The following CMSS1 variants were observed in gnomAD, a reference collection of about 807,000 sequenced individuals.
CMSS1 encodes cms1 ribosomal small subunit homolog.
CMSS1 carries 33 observed loss-of-function variants against 43.5 expected under a neutral mutation model. That is an observed-to-expected ratio of 0.76 (90% CI 0.57 to 1.01). The LOEUF (loss-of-function observed/expected upper bound fraction) is 1.01. Among genes scored for constraint, CMSS1 ranks in the 50% least tolerant of loss-of-function variants. The pLI is 0.00. For missense variants in CMSS1, 313 were observed against 326.4 expected (o/e 0.96, Z 0.32); for synonymous variants, 115 against 117.2 (o/e 0.98, Z 0.12).
intron 1 of CMSS1, among the ~76,000 whole-genome samples, chr3:100,057,284 A>G (rs2107334093): frequency 6.6e-6 from 1 of 152,314 alleles, no homozygotes; most frequent in East Asian, 1.9e-4. Flanking sequence ...GGAAACCAGG[A>G]AAGCAGTGAG....
At chr3:99,854,946 C>T (rs1943885004) in intron 1 of CMSS1, among the ~76,000 whole-genome samples, 1 of 152,162 alleles carries the variant, frequency 6.6e-6, no homozygotes. Flanking sequence ...TGTTAAACTG[C>T]AGACTCCAAT....
chr3:99,989,441 T>G (rs1186152431), intron 1 of CMSS1, among the ~76,000 whole-genome samples: 1 of 152,182 alleles, frequency 6.6e-6, no homozygotes, highest in Admixed American at 6.5e-5. Context: ...CCCCACATTT[T>G]CTGGAGACCC....
At chr3:100,006,951 G>A (rs879510520) in intron 1 of CMSS1, among the ~76,000 whole-genome samples, 28 of 152,082 alleles carry the variant, frequency 1.8e-4, no homozygotes, top group African/African-American at 6.8e-4. Context: ...GTTTTTGTTT[G>A]GTTTTGTTCT....
Position 99,818,033 on chromosome 3 carries a change from C to A in CMSS1, c.54C>A (p.Gly18=), listed in dbSNP as rs1453824184. 6.2e-7 allele frequency: 1 copy of A among 1,613,750 alleles called. No homozygotes were observed. Among genetic ancestry groups the A allele is most frequent in the Non-Finnish European group, 8.5e-7 (1 of 1,179,944 alleles). Residue 18 remains glycine, a synonymous_variant, in exon 1 of 10, where the codon GGC becomes GGA. Transcript: ENST00000421999. ...EWWENQPTGA[G]SSPEASDGEG... ...GGGAGAACCAGCCGACTGGAGCAGG[C>A]AGCAGCCCAGGTACCCACTCTGTGC... is the stretch of plus-strand genomic sequence containing the variant.
At chr3:99,987,197 C>G (rs916341563) in intron 1 of CMSS1, among the ~76,000 whole-genome samples, 20 of 150,266 alleles carry the variant, frequency 1.3e-4, no homozygotes, top group Non-Finnish European at 2.4e-4. Flanking sequence ...GCCATGCACT[C>G]CAGCCTGGGG....
chr3:99,850,435 T>G lies in CMSS1; in HGVS notation c.64+32392T>G, dbSNP rs1055606998. On this transcript the variant is annotated intron_variant, in intron 1 of 9. Coordinates refer to ENST00000421999, the MANE Select transcript of CMSS1 (RefSeq NM_032359.4). ...TTTACTGAGTTTTTCAACCTCTAGT[T>G]TAAAGTCTTTACTCTGTAACGTCTC... 2.5e-6 allele frequency: 4 copies of G among 1,613,982 alleles called. No homozygotes were observed. The African/African-American group carries it at 5.3e-5, about 22-fold the overall frequency.
At chr3:99,894,369 A>G (rs1029247880) in intron 1 of CMSS1, among the ~76,000 whole-genome samples, 2 of 152,214 alleles carry the variant, frequency 1.3e-5, no homozygotes, top group Admixed American at 1.3e-4. Context: ...GTCTGGTGCC[A>G]GGTCTGGCCA....
At chr3:100,093,301 T>C (rs2066145230) in intron 1 of CMSS1, among the ~76,000 whole-genome samples, 2 of 152,120 alleles carry the variant, frequency 1.3e-5, no homozygotes, top group African/African-American at 2.4e-5. Flanking sequence ...AAACAATGTA[T>C]GTTCATTTTA....
At chr3:100,172,442 G>A (rs775651356) in intron 8 of CMSS1, 39 bp downstream of exon 8, 3 of 1,507,886 alleles carry the variant, frequency 2.0e-6, no homozygotes, top group Non-Finnish European at 2.8e-6. Context: ...CCCAGGGCTG[G>A]GAGTTTGCCT....
At chr3:99,964,158 A>C (rs780699405) in intron 1 of CMSS1, among the ~76,000 whole-genome samples, 6 of 151,970 alleles carry the variant, frequency 3.9e-5, no homozygotes, top group Non-Finnish European at 7.4e-5. Context: ...AAGTACATTG[A>C]GTTTTTATAA....
At chr3:99,845,011 A>AT (rs747625452) in intron 1 of CMSS1, among the ~76,000 whole-genome samples, 5 of 152,316 alleles carry the variant, frequency 3.3e-5, no homozygotes, top group Non-Finnish European at 5.9e-5. Context: ...TTATAGCAGT[A>AT]TAAAAATGGA....
chr3:100,081,049 T>G (rs910690315), intron 1 of CMSS1, among the ~76,000 whole-genome samples: 11 of 152,244 alleles, frequency 7.2e-5, no homozygotes, highest in Non-Finnish European at 1.3e-4. Flanking sequence ...AGGTGTTATT[T>G]TAGACACTCT....
intron 1 of CMSS1, among the ~76,000 whole-genome samples, chr3:100,097,639 A>G (rs886915241): frequency 6.6e-6 from 1 of 152,212 alleles, no homozygotes; most frequent in African/African-American, 2.4e-5. Flanking sequence ...TTTTAAAGCC[A>G]TGTATTTGTG....
intron 1 of CMSS1, among the ~76,000 whole-genome samples, chr3:100,044,284 T>C (rs1413241738): frequency 1.3e-5 from 2 of 152,228 alleles, no homozygotes; most frequent in Non-Finnish European, 2.9e-5. Flanking sequence ...GTCTTTGCCC[T>C]AATGAAGTTT....
intron 1 of CMSS1, among the ~76,000 whole-genome samples, chr3:99,948,962 A>C (rs1708097117): frequency 6.6e-6 from 1 of 152,096 alleles, no homozygotes; most frequent in Middle Eastern, 3.2e-3. Context: ...TTTTTGCATA[A>C]CTGTGTGGTC....
chr3:100,031,107 T>TA (rs2065015173), intron 1 of CMSS1, among the ~76,000 whole-genome samples: 1 of 152,196 alleles, frequency 6.6e-6, no homozygotes, highest in African/African-American at 2.4e-5. Flanking sequence ...TTTTTTCTGC[T>TA]ATAATTTAGA....
chr3:99,929,602 G>C (rs1348161053), intron 1 of CMSS1, among the ~76,000 whole-genome samples: 5 of 152,116 alleles, frequency 3.3e-5, no homozygotes, highest in Non-Finnish European at 7.4e-5. Context: ...ACATGCACGT[G>C]AGAGTGGGGA....
intron 1 of CMSS1, among the ~76,000 whole-genome samples, chr3:99,894,179 G>C (rs1706176328): frequency 6.6e-6 from 1 of 152,198 alleles, no homozygotes; most frequent in African/African-American, 2.4e-5. Context: ...GGTATTAATA[G>C]AAAAGGAGAT....
At chr3:100,174,388 A>C (rs1254777147) in intron 8 of CMSS1, among the ~76,000 whole-genome samples, 6 of 151,462 alleles carry the variant, frequency 4.0e-5, no homozygotes, top group African/African-American at 1.2e-4. Flanking sequence ...CAACAGGATT[A>C]CTCTTCTCTG....
Sources: allele counts gnomAD v4.1 joint callset (sites outside exome capture counted in the v4.1 genomes callset), GRCh38; gene constraint gnomAD v4.1.1; transcripts MANE v1.5; gene names NCBI Gene and HGNC (gene_info 2026-07-23, HGNC 2026-07-21).